Variants in DISC1 observed in about 807,000 individuals in gnomAD.
The protein encoded by DISC1 is disrupted in schizophrenia 1 protein.
DISC1 carries 57 observed loss-of-function variants against 84.5 expected under a neutral mutation model. The observed-to-expected ratio is 0.67, with a 90% CI of 0.55 to 0.84. The LOEUF (loss-of-function observed/expected upper bound fraction) is 0.84. Among genes scored for constraint, DISC1 ranks in the 40% least tolerant of loss-of-function variants. The pLI is 0.00. For missense variants in DISC1, 1,000 were observed against 1,057.8 expected (o/e 0.95, Z 0.76); for synonymous variants, 411 against 415.2 (o/e 0.99, Z 0.12).
chr1:231,730,404 C>T (rs532662403), intron 3 of DISC1, among the ~76,000 whole-genome samples: 1 of 152,320 alleles, frequency 6.6e-6, no homozygotes, highest in South Asian at 2.1e-4. Context: ...CAGCCAGTCA[C>T]ATTGACCTTT....
intron 1 of DISC1, among the ~76,000 whole-genome samples, chr1:231,676,806 G>A (rs1158100107): frequency 1.3e-5 from 2 of 152,158 alleles, no homozygotes; most frequent in Admixed American, 1.3e-4. Flanking sequence ...CAGTTTTAAA[G>A]CTCATTCTAG....
At position 231,823,881 on chromosome 1, in the gene DISC1, A is replaced by ACAGTTTTTCCCACAAAAAGATC. The variant is rs577289664; in HGVS notation, c.1981+5374_1981+5395dup. 4.4e-3 allele frequency among the ~76,000 whole-genome samples: 669 copies of ACAGTTTTTCCCACAAAAAGATC among 152,296 alleles called. 1 individual carries two copies. The highest frequency in any genetic ancestry group is 7.1e-3 in the Non-Finnish European group (483 of 68,004). ...ACACATTTTAGATATGTAGGTATGG[A>ACAGTTTTTCCCACAAAAAGATC]CAGTTTTTCCCACAAAAAGATCCAG... On this transcript the variant is annotated intron_variant, in intron 9 of 12. Transcript: ENST00000439617.
At chr1:231,947,403 T>C (rs2126148196) in intron 9 of DISC1, among the ~76,000 whole-genome samples, 1 of 152,290 alleles carries the variant, frequency 6.6e-6, no homozygotes, top group Admixed American at 6.5e-5. Context: ...TAACCAGCCA[T>C]ATTCAGAAAA....
At chr1:231,805,609 A>G (rs1279484555) in intron 8 of DISC1, among the ~76,000 whole-genome samples, 2 of 150,638 alleles carry the variant, frequency 1.3e-5, no homozygotes, top group Non-Finnish European at 1.5e-5. Flanking sequence ...CTATGATCCA[A>G]TCACCTTCCA....
intron 2 of DISC1, among the ~76,000 whole-genome samples, chr1:231,699,862 T>G (rs1434231291): frequency 1.3e-5 from 2 of 152,204 alleles, no homozygotes; most frequent in Non-Finnish European, 2.9e-5. Flanking sequence ...CAGTTTTCCC[T>G]TACATCAATC....
intron 10 of DISC1, among the ~76,000 whole-genome samples, chr1:231,990,625 T>C (rs988328687): frequency 2.6e-5 from 4 of 152,212 alleles, no homozygotes; most frequent in African/African-American, 9.6e-5. Flanking sequence ...CGTCTCGCAC[T>C]TGTGGGCTGC....
rs188224366 is a variant in DISC1, at chr1:231,673,329, T to A, written c.68-20497T>A. 4.0e-4 allele frequency among the ~76,000 whole-genome samples: 61 copies of A among 152,302 alleles called. 1 individual carries two copies. The East Asian group carries it at 9.6e-3, about 24-fold the overall frequency. Reference sequence around the variant, plus strand: ...ATTTCTTTCTTTTCTTTTCTTTTTTTAAGAAACTGGGGTCTCTCTCTGTTG... The same window carrying A: ...ATTTCTTTCTTTTCTTTTCTTTTTTAAAGAAACTGGGGTCTCTCTCTGTTG... On this transcript the variant is annotated intron_variant, in intron 1 of 12. Transcript: ENST00000439617.
At chr1:232,010,630 G>A (rs1572625668) in intron 11 of DISC1, among the ~76,000 whole-genome samples, 1 of 152,140 alleles carries the variant, frequency 6.6e-6, no homozygotes, top group South Asian at 2.1e-4. Flanking sequence ...ATGTACAAAT[G>A]TGCTTAATAT....
intron 1 of DISC1, among the ~76,000 whole-genome samples, chr1:231,642,989 C>G (rs1044777151): frequency 3.3e-5 from 5 of 152,200 alleles, no homozygotes; most frequent in African/African-American, 1.2e-4. Context: ...AAGATGAGGA[C>G]TTGGTCTACT....
At chr1:232,001,710 T>C (rs1340910420) in intron 10 of DISC1, among the ~76,000 whole-genome samples, 1 of 151,880 alleles carries the variant, frequency 6.6e-6, no homozygotes, top group Admixed American at 6.6e-5. Context: ...TCAAACTAAG[T>C]CTCATACTTC....
intron 10 of DISC1, among the ~76,000 whole-genome samples, chr1:231,966,970 AGCTTTAGAAGGAACTGTC>A (rs1343452012): frequency 1.3e-5 from 2 of 152,242 alleles, no homozygotes; most frequent in Non-Finnish European, 2.9e-5. Context: ...GGCCCTTCTT[AGCTTTAGAAGGAACTGTC>A]AAGAACTCAA....
At chr1:231,978,474 A>G (rs1663132323) in intron 10 of DISC1, among the ~76,000 whole-genome samples, 1 of 152,230 alleles carries the variant, frequency 6.6e-6, no homozygotes, top group African/African-American at 2.4e-5. Context: ...TATGAAAGAA[A>G]GACAGGAGAA....
chr1:231,659,080 G>A (rs1199079449), intron 1 of DISC1, among the ~76,000 whole-genome samples: 1 of 151,978 alleles, frequency 6.6e-6, no homozygotes, highest in Non-Finnish European at 1.5e-5. Flanking sequence ...TGTACCTCTG[G>A]TAGAATTCAG....
In DISC1 at chr1:231,675,224, C is replaced by T. The variant is rs1572745564; in HGVS notation, c.68-18602C>T. On this transcript the variant is annotated intron_variant, in intron 1 of 12. Coordinates refer to ENST00000439617, the MANE Select transcript of DISC1 (RefSeq NM_018662.3). This position sits in a 1 kb window ranked among gnomAD's most constrained non-coding sequence, Gnocchi z 4.1. Reference sequence around the variant, plus strand: ...CCTGCTTATTGGTCCTTAGGCTACTCCCGCCCGCAAAGTGTAGCGCTGTCT... The same window carrying T: ...CCTGCTTATTGGTCCTTAGGCTACTTCCGCCCGCAAAGTGTAGCGCTGTCT... Among the ~76,000 whole-genome samples, 2 of 152,000 alleles carry T rather than the reference C, an allele frequency of 1.3e-5. No homozygotes were observed. Among genetic ancestry groups the T allele is most frequent in the African/African-American group, 4.8e-5 (2 of 41,392 alleles).
At chr1:231,893,861 C>T (rs980004914) in intron 9 of DISC1, among the ~76,000 whole-genome samples, 2 of 152,156 alleles carry the variant, frequency 1.3e-5, no homozygotes, top group Non-Finnish European at 2.9e-5. Context: ...ACAATGAATA[C>T]AATCTACCAC....
chr1:231,686,231 A>G (rs2064258380), intron 1 of DISC1, among the ~76,000 whole-genome samples: 1 of 152,238 alleles, frequency 6.6e-6, no homozygotes, highest in African/African-American at 2.4e-5. Context: ...GCGGTACCCC[A>G]GTAGGGACTC....
intron 1 of DISC1, among the ~76,000 whole-genome samples, chr1:231,637,718 G>A (rs1170773016): frequency 4.6e-5 from 7 of 152,096 alleles, no homozygotes; most frequent in Admixed American, 2.6e-4. Context: ...TATGTATACC[G>A]TATTTTCTTT....
At chr1:231,958,317 C>T (rs1659874054) in intron 9 of DISC1, among the ~76,000 whole-genome samples, 1 of 152,214 alleles carries the variant, frequency 6.6e-6, no homozygotes, top group African/African-American at 2.4e-5. Context: ...TCTCATCACT[C>T]ATTGGATGTT....
chr1:231,888,541 C>G (rs1028497590), intron 9 of DISC1, among the ~76,000 whole-genome samples: 1 of 151,524 alleles, frequency 6.6e-6, no homozygotes, highest in African/African-American at 2.4e-5. Context: ...TCAGGAGCTC[C>G]TGGCTAACAC....
Sources: allele counts gnomAD v4.1 joint callset (sites outside exome capture counted in the v4.1 genomes callset), GRCh38; gene constraint gnomAD v4.1.1; non-coding constraint Gnocchi (gnomAD v3.1); transcripts MANE v1.5; gene names NCBI Gene and HGNC (gene_info 2026-07-23, HGNC 2026-07-21).